CEP85L: variants seen among roughly 807,000 people sequenced by gnomAD.
The protein encoded by CEP85L is centrosomal protein of 85 kDa-like.
In CEP85L, 60 loss-of-function variants were observed where a neutral mutation model predicts 100.3. The ratio of observed to expected loss-of-function variants is 0.60; its 90% CI spans 0.49 to 0.74. The LOEUF (loss-of-function observed/expected upper bound fraction) is 0.74. Among genes scored for constraint, CEP85L ranks in the 30% least tolerant of loss-of-function variants. CEP85L has a pLI of 0.00. For synonymous variants in CEP85L, 319 were observed against 322.7 expected, an observed-to-expected ratio of 0.99 and a Z score of 0.12; for missense variants, 973 against 936.2, an observed-to-expected ratio of 1.04 and a Z score of -0.51.
chr6:118,664,042 CGCACCACT>C (rs1316710197), intron 1 of CEP85L, among the ~76,000 whole-genome samples: 1 of 151,114 alleles, frequency 6.6e-6, no homozygotes, highest in Non-Finnish European at 1.5e-5. Flanking sequence ...ATTACAGGAA[CGCACCACT>C]ATGCCTGCCT....
intron 5 of CEP85L, among the ~76,000 whole-genome samples, chr6:118,499,916 T>C (rs1243748945): frequency 1.3e-5 from 2 of 151,770 alleles, no homozygotes; most frequent in East Asian, 3.9e-4. Flanking sequence ...ACATAAAAGG[T>C]ATACTGATTG....
intron 2 of CEP85L, among the ~76,000 whole-genome samples, chr6:118,620,594 C>G (rs562220809): frequency 6.6e-6 from 1 of 152,160 alleles, no homozygotes; most frequent in African/African-American, 2.4e-5. Context: ...GGCCAGAAGC[C>G]CCCAGCCAGA....
intron 1 of CEP85L, among the ~76,000 whole-genome samples, chr6:118,668,018 C>T (rs9320666): frequency 0.21 from 31,307 of 152,124 alleles, 3,302 homozygotes; most frequent in African/African-American, 0.23. Flanking sequence ...GCCCTCTCCT[C>T]AATTTTGCAA....
In CEP85L at chr6:118,513,952, C is replaced by T. The variant is rs375078812; in HGVS notation, c.1140-2537G>A. On this transcript the variant is annotated intron_variant, in intron 4 of 12. Transcript: ENST00000368491. ...AAAATTTATATCCACGTTGTATAAC[C>T]TTTGTAGATGTAGAATGTATGACAA... Among the ~76,000 whole-genome samples, 7 of 151,994 alleles carry T rather than the reference C, an allele frequency of 4.6e-5. No individual in the cohort carries two copies. In the South Asian group the frequency reaches 8.3e-4, roughly 18 times the overall value.
intron 2 of CEP85L, among the ~76,000 whole-genome samples, chr6:118,603,288 G>A (rs1781876541): frequency 6.6e-6 from 1 of 152,172 alleles, no homozygotes; most frequent in African/African-American, 2.4e-5. Flanking sequence ...CCTGTTTACA[G>A]GGACTGTGTA....
chr6:118,485,354 GTTTC>G (rs1774101343), intron 6 of CEP85L, among the ~76,000 whole-genome samples: 1 of 151,974 alleles, frequency 6.6e-6, no homozygotes, highest in Admixed American at 6.6e-5. Context: ...TCACAGTCTA[GTTTC>G]TTTCATGTAT....
In CEP85L at chr6:118,558,656, CACACAGAGAG is replaced by C. The variant is rs776736116; in HGVS notation, c.1020+6863_1020+6872del. On this transcript the variant is annotated intron_variant, in intron 3 of 12. Coordinates refer to ENST00000368491, the MANE Select transcript of CEP85L (RefSeq NM_001042475.3). Reference sequence around the variant, plus strand: ...ACACACACACACACACACACACACACACACAGAGAGAGAGAGAGAGAGAGAGAGAGAGGGA... The same window carrying C: ...ACACACACACACACACACACACACACAGAGAGAGAGAGAGAGAGAGAGGGA... Among the ~76,000 whole-genome samples, 75 of 133,940 alleles carry C rather than the reference CACACAGAGAG, an allele frequency of 5.6e-4. No individual in the cohort carries two copies. In the South Asian group the frequency reaches 0.014, roughly 25 times the overall value. The allele number at this position is 133,940 out of a possible 152,430, so 87.9% of individuals were successfully genotyped here.
rs377688242 is a variant in CEP85L, at chr6:118,511,362, C to T, written c.1193G>A (p.Arg398Gln). The T allele has an allele frequency of 4.3e-6, 7 of 1,613,028 alleles. No individual in the cohort carries two copies. The African/African-American group carries it at 6.7e-5, about 15-fold the overall frequency. ...LHERIRDNEL[R>Q]AQHAMLGHYV... ...ATGTCCTAACATGGCATGTTGAGCC[C>T]GTAATTCATTATCCCTTATCCTCTC... The change falls in exon 5 of 13, where the codon CGG becomes CAG. Residue 398 changes from arginine to glutamine, a missense_variant. Arg to Gln is a conservative substitution (Grantham distance 43, BLOSUM62 1). Transcript: ENST00000368491.
intron 3 of CEP85L, among the ~76,000 whole-genome samples, chr6:118,556,548 C>CT (rs1778888514): frequency 1.3e-5 from 2 of 152,172 alleles, no homozygotes; most frequent in African/African-American, 4.8e-5. Context: ...TTACCTTCCC[C>CT]TTTGCCATTC....
rs151294527 is a variant in CEP85L, at chr6:118,581,582, G to A, written c.233-15266C>T. Among the ~76,000 whole-genome samples, 495 of 152,110 alleles carry A rather than the reference G, an allele frequency of 3.3e-3. 3 individuals carry two copies. Among genetic ancestry groups the A allele is most frequent in the Middle Eastern group, 6.8e-3 (2 of 294 alleles). ...GAGGGTCACACCTACAGCCACAGGC[G>A]GCACATTTAACTGGGTGCCGGGACC... is the stretch of plus-strand genomic sequence containing the variant. On this transcript the variant is annotated intron_variant, in intron 2 of 12. Transcript: ENST00000368491.
At chr6:118,657,961 C>T (rs896926321) in intron 1 of CEP85L, among the ~76,000 whole-genome samples, 1 of 152,120 alleles carries the variant, frequency 6.6e-6, no homozygotes, top group Non-Finnish European at 1.5e-5. Flanking sequence ...ACTCTGTTCC[C>T]GTTGGTAAGG....
At chr6:118,605,112 G>A (rs759230851) in intron 2 of CEP85L, among the ~76,000 whole-genome samples, 77 of 152,260 alleles carry the variant, frequency 5.1e-4, no homozygotes, top group Admixed American at 2.2e-3. Context: ...GAGGAAAAGC[G>A]CCAGGAAAGC....
At chr6:118,709,443 T>C (rs1777709898) in intron 1 of CEP85L, among the ~76,000 whole-genome samples, 1 of 152,234 alleles carries the variant, frequency 6.6e-6, no homozygotes, top group South Asian at 2.1e-4. Context: ...CTCGGCTTTC[T>C]GGAGCTCTGC....
At chr6:118,522,889 A>T (rs1313955327) in intron 4 of CEP85L, among the ~76,000 whole-genome samples, 1 of 148,682 alleles carries the variant, frequency 6.7e-6, no homozygotes, top group East Asian at 2.0e-4. Flanking sequence ...AAAAAAAAAA[A>T]TTGGGGGAAT....
chr6:118,508,972 TAGA>T (rs1282446648), intron 5 of CEP85L, among the ~76,000 whole-genome samples: 4 of 152,124 alleles, frequency 2.6e-5, no homozygotes, highest in African/African-American at 7.2e-5. Flanking sequence ...TATCCATTGA[TAGA>T]AGTTTATCTT....
intron 3 of CEP85L, among the ~76,000 whole-genome samples, chr6:118,539,090 T>C (rs1421731786): frequency 6.6e-6 from 1 of 152,146 alleles, no homozygotes; most frequent in Non-Finnish European, 1.5e-5. Context: ...AACAAAGCTA[T>C]AGTACAGGTG....
chr6:118,593,400 A>G (rs1042683346), intron 2 of CEP85L, among the ~76,000 whole-genome samples: 12 of 152,004 alleles, frequency 7.9e-5, no homozygotes, highest in African/African-American at 2.9e-4. Flanking sequence ...ATCGAGCCTG[A>G]GGTTTTTATA....
intron 12 of CEP85L, among the ~76,000 whole-genome samples, chr6:118,467,847 C>T (rs1772645881): frequency 6.6e-6 from 1 of 152,194 alleles, no homozygotes; most frequent in Admixed American, 6.6e-5. Context: ...ACACCAACTA[C>T]TCTGTGGAGT....
chr6:118,648,496 C>T (rs1775344301), intron 1 of CEP85L, among the ~76,000 whole-genome samples: 2 of 152,182 alleles, frequency 1.3e-5, no homozygotes, highest in South Asian at 4.1e-4. Flanking sequence ...AATCCCAGCA[C>T]TTTGGGAGGC....
Sources: gnomAD v4.1 joint callset for allele counts (sites outside exome capture counted in the v4.1 genomes callset) on GRCh38, gnomAD v4.1.1 for gene constraint, MANE v1.5 for transcripts, NCBI Gene and HGNC (gene_info 2026-07-23, HGNC 2026-07-21) for gene names.